EXOC4: variants seen among roughly 807,000 people sequenced by gnomAD.
EXOC4 encodes SEC8-like 1.
A neutral mutation model predicts 107.2 loss-of-function variants in EXOC4; 71 were observed. That is an observed-to-expected ratio of 0.66 (90% CI 0.55 to 0.81). EXOC4 has a LOEUF of 0.81. Ranked by LOEUF, EXOC4 falls within the 30% of genes least tolerant of loss-of-function variation. EXOC4 has a pLI of 0.00. For missense variants in EXOC4, 1,108 were observed against 1,189.6 expected (o/e 0.93, Z 1.01); for synonymous variants, 456 against 441.2 (o/e 1.03, Z -0.42).
intron 15 of EXOC4, among the ~76,000 whole-genome samples, chr7:134,000,946 G>A (rs1019676226): frequency 6.6e-6 from 1 of 152,042 alleles, no homozygotes; most frequent in African/African-American, 2.4e-5. Flanking sequence ...ATTTTTCTTT[G>A]ACATTGTTAA....
intron 8 of EXOC4, among the ~76,000 whole-genome samples, chr7:133,476,861 C>A (rs1302844415): frequency 6.6e-6 from 1 of 152,192 alleles, no homozygotes; most frequent in Non-Finnish European, 1.5e-5. Context: ...CCCTTTCCAT[C>A]TCTCTGCATT....
intron 5 of EXOC4, among the ~76,000 whole-genome samples, chr7:133,351,843 TC>T (rs956230920): frequency 4.7e-4 from 72 of 151,994 alleles, no homozygotes; most frequent in African/African-American, 1.6e-3. Context: ...TTGCTGTTTT[TC>T]CTGCATCCTG....
intron 9 of EXOC4, among the ~76,000 whole-genome samples, chr7:133,579,852 A>C (rs1046529076): frequency 6.6e-6 from 1 of 151,894 alleles, no homozygotes; most frequent in Non-Finnish European, 1.5e-5. Context: ...ACGCCCAGCT[A>C]ATTTTTTGTA....
At position 133,447,791 on chromosome 7, in the gene EXOC4, C is replaced by T. The variant is rs182878095; in HGVS notation, c.1183-27537C>T. 1.8e-3 allele frequency among the ~76,000 whole-genome samples: 268 copies of T among 151,820 alleles called. 1 individual carries two copies. The highest frequency in any genetic ancestry group is 6.0e-3 in the African/African-American group (250 of 41,390). On this transcript the variant is annotated intron_variant, in intron 7 of 17. Transcript: ENST00000253861. ...CATATCATAATTATTTTTAAGTGTA[C>T]CTAATACAGGCATTGTCACAGGTTA...
intron 15 of EXOC4, 137 bp from the exon 16 acceptor site, chr7:134,004,775 G>A (rs1794604003): frequency 1.5e-6 from 1 of 678,886 alleles, no homozygotes. Context: ...AGGGTACACA[G>A]TAAGTGTTGG....
At chr7:133,311,363 A>G (rs1322291996) in intron 4 of EXOC4, among the ~76,000 whole-genome samples, 1 of 152,182 alleles carries the variant, frequency 6.6e-6, no homozygotes, top group African/African-American at 2.4e-5. Context: ...AGAAAATCAG[A>G]TGGGTGAGAC....
intron 10 of EXOC4, among the ~76,000 whole-genome samples, chr7:133,649,269 G>GCTTCATTAT (rs1455369019): frequency 6.6e-6 from 1 of 151,998 alleles, no homozygotes; most frequent in Non-Finnish European, 1.5e-5. Context: ...CATGCCTGAA[G>GCTTCATTAT]CTTCATTATT....
intron 4 of EXOC4, among the ~76,000 whole-genome samples, chr7:133,312,104 A>T (rs1430249275): frequency 6.6e-6 from 1 of 152,184 alleles, no homozygotes; most frequent in Non-Finnish European, 1.5e-5. Context: ...ATATGTAACA[A>T]GATATTCATT....
At chr7:133,561,037 TG>T (rs1321101324) in intron 9 of EXOC4, among the ~76,000 whole-genome samples, 1 of 152,164 alleles carries the variant, frequency 6.6e-6, no homozygotes, top group African/African-American at 2.4e-5. Flanking sequence ...AGTCACAAGA[TG>T]ACTGCTACTA....
chr7:133,681,382 A>AT (rs35912736), intron 10 of EXOC4, among the ~76,000 whole-genome samples: 148,165 of 150,968 alleles, frequency 0.98, 72,770 homozygotes, highest in Middle Eastern at 1. Flanking sequence ...TTCAAGGGCA[A>AT]TTTTTTTTTT....
intron 6 of EXOC4, among the ~76,000 whole-genome samples, chr7:133,367,252 G>T (rs1164673694): frequency 6.6e-6 from 1 of 152,092 alleles, no homozygotes; most frequent in Admixed American, 6.6e-5. Flanking sequence ...TGAGGGGGTT[G>T]AGAAGAGTTT....
At chr7:133,613,143 ATT>A (rs1802111585) in intron 9 of EXOC4, among the ~76,000 whole-genome samples, 1 of 152,184 alleles carries the variant, frequency 6.6e-6, no homozygotes, top group Admixed American at 6.6e-5. Context: ...ATATTAGTCT[ATT>A]TTTATCATTT....
rs143426076 is a variant in EXOC4, at chr7:133,452,846, A to G, written c.1183-22482A>G. ...GACATTTGAAATATATGTGTGTTCA[A>G]AATTCTGTCATGTGAGGTTAGTTGT... On this transcript the variant is annotated intron_variant, in intron 7 of 17. Transcript: ENST00000253861. Among the ~76,000 whole-genome samples, 17 of 152,182 alleles carry G rather than the reference A, an allele frequency of 1.1e-4. No individual in the cohort carries two copies. The East Asian group carries it at 2.7e-3, about 24-fold the overall frequency.
intron 11 of EXOC4, among the ~76,000 whole-genome samples, chr7:133,837,844 C>G (rs138913864): frequency 2.0e-5 from 3 of 152,204 alleles, no homozygotes; most frequent in African/African-American, 7.2e-5. Context: ...GGTAAAACTT[C>G]CTAACTCAAA....
chr7:133,515,617 A>C (rs1410578404), intron 9 of EXOC4, among the ~76,000 whole-genome samples: 1 of 152,036 alleles, frequency 6.6e-6, no homozygotes, highest in Non-Finnish European at 1.5e-5. Flanking sequence ...TGTAGGCAAG[A>C]GCCAACATGT....
At chr7:133,497,233 G>A (rs1799494578) in intron 9 of EXOC4, among the ~76,000 whole-genome samples, 1 of 152,094 alleles carries the variant, frequency 6.6e-6, no homozygotes, top group East Asian at 1.9e-4. Context: ...TCCATGTCTG[G>A]ACTTCTGACC....
chr7:133,482,303 C>T (rs183593737), intron 9 of EXOC4, among the ~76,000 whole-genome samples: 7 of 152,216 alleles, frequency 4.6e-5, no homozygotes, highest in African/African-American at 1.4e-4. Context: ...TGTCGACATC[C>T]GTCAGCACAG....
At chr7:133,341,405 TA>T (rs1795657832) in intron 5 of EXOC4, among the ~76,000 whole-genome samples, 1 of 152,198 alleles carries the variant, frequency 6.6e-6, no homozygotes, top group Non-Finnish European at 1.5e-5. Flanking sequence ...GTACTTGATA[TA>T]ATTTCGATTT....
chr7:133,658,456 G>A (rs759733108), intron 10 of EXOC4, among the ~76,000 whole-genome samples: 15 of 152,240 alleles, frequency 9.9e-5, no homozygotes, highest in East Asian at 3.9e-4. Context: ...TGTCCCTGCC[G>A]AATATCCTCT....
Sources: gnomAD v4.1 joint callset for allele counts (sites outside exome capture counted in the v4.1 genomes callset) on GRCh38, gnomAD v4.1.1 for gene constraint, MANE v1.5 for transcripts, NCBI Gene and HGNC (gene_info 2026-07-23, HGNC 2026-07-21) for gene names.